The following SGMS1 variants were observed in gnomAD, a reference collection of about 807,000 sequenced individuals.
SGMS1 encodes phosphatidylcholine:ceramide cholinephosphotransferase 1.
A neutral mutation model predicts 46.2 loss-of-function variants in SGMS1; 13 were observed. The ratio of observed to expected loss-of-function variants is 0.28; its 90% CI spans 0.18 to 0.45. The LOEUF is 0.45. Ranked by LOEUF, SGMS1 falls within the 20% of genes least tolerant of loss-of-function variation. The probability of loss-of-function intolerance (pLI) is 1.00; values close to 1 mark genes in which losing one functional copy is unlikely to be tolerated. For missense variants in SGMS1, 324 were observed against 519.9 expected (o/e 0.62, Z 3.66); for synonymous variants, 203 against 187.8 (o/e 1.08, Z -0.66).
At chr10:50,360,539 C>A (rs1000042954) in intron 6 of SGMS1, among the ~76,000 whole-genome samples, 6 of 152,318 alleles carry the variant, frequency 3.9e-5, no homozygotes, top group Admixed American at 2.0e-4. Context: ...ATGATCTACT[C>A]CCACTCAACT....
intron 3 of SGMS1, among the ~76,000 whole-genome samples, chr10:50,497,518 C>G (rs976817927): frequency 1.3e-5 from 2 of 152,148 alleles, no homozygotes; most frequent in African/African-American, 4.8e-5. Flanking sequence ...CCTGGCCGGG[C>G]GCGGTGGCTC....
chr10:50,472,667 T>C (rs1213054825), intron 3 of SGMS1: 2 of 152,200 alleles, frequency 1.3e-5, no homozygotes, highest in African/African-American at 2.4e-5. Context: ...TACATTCAGA[T>C]CAAATTTCTT....
intron 6 of SGMS1, among the ~76,000 whole-genome samples, chr10:50,424,907 C>T (rs1384818709): frequency 2.0e-4 from 28 of 139,036 alleles, no homozygotes; most frequent in African/African-American, 2.9e-4. Context: ...AGCGAAACTC[C>T]GTCTCAAAAA....
intron 2 of SGMS1, among the ~76,000 whole-genome samples, chr10:50,525,852 C>G (rs757530879): frequency 2.6e-5 from 4 of 152,302 alleles, no homozygotes; most frequent in South Asian, 2.1e-4. Flanking sequence ...TTCTCCAAAG[C>G]AAGACATTTT....
chr10:50,340,532 G>T (rs906343770), intron 7 of SGMS1: 3 of 152,006 alleles, frequency 2.0e-5, no homozygotes, highest in African/African-American at 7.3e-5. Flanking sequence ...AGGCATTATT[G>T]TTGCTTTCCA....
intron 2 of SGMS1, among the ~76,000 whole-genome samples, chr10:50,567,650 G>C (rs569293370): frequency 1.3e-5 from 2 of 152,214 alleles, no homozygotes; most frequent in East Asian, 3.9e-4. Context: ...TCTAACATCT[G>C]ACCCACTTTG....
chr10:50,406,459 G>A (rs920868036), intron 6 of SGMS1, among the ~76,000 whole-genome samples: 4 of 152,158 alleles, frequency 2.6e-5, no homozygotes, highest in Non-Finnish European at 5.9e-5. Flanking sequence ...CAGATTTTTA[G>A]TAAGTTTTGC....
intron 6 of SGMS1, among the ~76,000 whole-genome samples, chr10:50,368,186 T>G (rs1276077959): frequency 6.6e-6 from 1 of 152,228 alleles, no homozygotes; most frequent in East Asian, 1.9e-4. Context: ...TAGTTTTTCA[T>G]GCAAACATAC....
chr10:50,605,761 T>C (rs1345471276), intron 1 of SGMS1, among the ~76,000 whole-genome samples: 5 of 152,252 alleles, frequency 3.3e-5, no homozygotes, highest in Non-Finnish European at 4.4e-5. Flanking sequence ...TTTTTATTTA[T>C]ACAAATGTAT....
At chr10:50,583,986 G>C (rs1048063283) in intron 2 of SGMS1, among the ~76,000 whole-genome samples, 1 of 152,118 alleles carries the variant, frequency 6.6e-6, no homozygotes, top group Non-Finnish European at 1.5e-5. Flanking sequence ...CAAAAAATTT[G>C]TTTCAGAAAA....
At chr10:50,372,788 A>G (rs1429393234) in intron 6 of SGMS1, among the ~76,000 whole-genome samples, 2 of 152,170 alleles carry the variant, frequency 1.3e-5, no homozygotes, top group Non-Finnish European at 2.9e-5. Context: ...TTGCTCAAGG[A>G]GGAGAAAAAA....
chr10:50,593,296 G>T (rs1385440270), intron 1 of SGMS1, among the ~76,000 whole-genome samples: 1 of 152,184 alleles, frequency 6.6e-6, no homozygotes, highest in Non-Finnish European at 1.5e-5. Flanking sequence ...CCTCATGAGA[G>T]ACTGCGAGTC....
chr10:50,620,024 A>C (rs1208780704), intron 1 of SGMS1, among the ~76,000 whole-genome samples: 1 of 152,234 alleles, frequency 6.6e-6, no homozygotes, highest in Non-Finnish European at 1.5e-5. Context: ...CTGGGAGAAC[A>C]GCAAAGCATT....
intron 8 of SGMS1, among the ~76,000 whole-genome samples, chr10:50,316,178 G>T (rs1235603364): frequency 6.6e-6 from 1 of 152,224 alleles, no homozygotes; most frequent in Non-Finnish European, 1.5e-5. Flanking sequence ...TTAGGAGGAA[G>T]GGGGTAACCT....
At position 50,486,554 on chromosome 10, in the gene SGMS1, T is replaced by A. The variant is rs1171293046; in HGVS notation, c.-497-19622A>T. On this transcript the variant is annotated intron_variant, in intron 3 of 10. Transcript: ENST00000361781. ...AAGATATTTATGCAGCCAACAAACA[T>A]GAAAAAAAGCTCAACATCACTGATC... 2.6e-5 allele frequency among the ~76,000 whole-genome samples: 4 copies of A among 151,978 alleles called. No individual in the cohort carries two copies. In the East Asian group the frequency reaches 5.8e-4, roughly 22 times the overall value.
chr10:50,559,976 G>C (rs982016905), intron 2 of SGMS1, among the ~76,000 whole-genome samples: 1 of 151,332 alleles, frequency 6.6e-6, no homozygotes, highest in Non-Finnish European at 1.5e-5. Flanking sequence ...AGAGAATGTG[G>C]TTTTGTAGTA....
At chr10:50,571,797 T>C (rs917441318) in intron 2 of SGMS1, among the ~76,000 whole-genome samples, 1 of 150,986 alleles carries the variant, frequency 6.6e-6, no homozygotes, top group Non-Finnish European at 1.5e-5. Context: ...ATACATATAA[T>C]CTCATTTAAT....
At position 50,432,370 on chromosome 10, in the gene SGMS1, G is replaced by A. The variant is rs564007622; in HGVS notation, c.-232+1106C>T. ...GCTCTTGAGGTGATTTGTAACTACT[G>A]TATCTGGTTGGTAGAAACTATATAA... On this transcript the variant is annotated intron_variant, in intron 6 of 10. Coordinates refer to ENST00000361781, the MANE Select transcript of SGMS1 (RefSeq NM_147156.4). Among the ~76,000 whole-genome samples, 315 of 152,282 alleles carry A rather than the reference G, an allele frequency of 2.1e-3. 1 individual carries two copies. The highest frequency in any genetic ancestry group is 3.7e-3 in the Non-Finnish European group (254 of 68,020).
intron 5 of SGMS1, among the ~76,000 whole-genome samples, chr10:50,446,728 G>A (rs931630658): frequency 1.3e-5 from 2 of 152,204 alleles, no homozygotes; most frequent in Non-Finnish European, 2.9e-5. Flanking sequence ...ACTCGCACAC[G>A]TGTTTGCCTC....
Sources: allele counts gnomAD v4.1 joint callset (sites outside exome capture counted in the v4.1 genomes callset), GRCh38; gene constraint gnomAD v4.1.1; transcripts MANE v1.5; gene names NCBI Gene and HGNC (gene_info 2026-07-23, HGNC 2026-07-21).